Variants in TRIO observed in about 807,000 individuals in gnomAD.
TRIO encodes trio Rho guanine nucleotide exchange factor.
TRIO carries 58 observed loss-of-function variants against 351.9 expected under a neutral mutation model. The observed-to-expected ratio is 0.16, with a 90% CI of 0.13 to 0.21. The LOEUF is 0.21. Ranked by LOEUF, TRIO falls within the 10% of genes least tolerant of loss-of-function variation. The pLI is 1.00. For missense variants in TRIO, 3,201 were observed against 4,027.8 expected (o/e 0.79, Z 5.56); for synonymous variants, 1,758 against 1,595.7 (o/e 1.10, Z -2.42).
chr5:14,454,456 T>C (rs1236970068), intron 34 of TRIO, among the ~76,000 whole-genome samples: 1 of 152,236 alleles, frequency 6.6e-6, no homozygotes, highest in African/African-American at 2.4e-5. Context: ...TTGACTAAAA[T>C]TAGATGTTAC....
chr5:14,441,729 C>T (rs1752066632), intron 34 of TRIO, among the ~76,000 whole-genome samples: 1 of 152,156 alleles, frequency 6.6e-6, no homozygotes, highest in South Asian at 2.1e-4. Flanking sequence ...ATGTCTGTTT[C>T]AGGTTTAATT....
intron 36 of TRIO, among the ~76,000 whole-genome samples, chr5:14,463,455 T>C (rs1561521138): frequency 6.6e-6 from 1 of 152,214 alleles, no homozygotes; most frequent in Non-Finnish European, 1.5e-5. Context: ...TAGGAATCAG[T>C]TGAAAGCTCT....
chr5:14,393,220 A>G (rs1747261188), intron 27 of TRIO, among the ~76,000 whole-genome samples: 1 of 151,540 alleles, frequency 6.6e-6, no homozygotes, highest in Non-Finnish European at 1.5e-5. Flanking sequence ...AGGGAGGGGA[A>G]CATCACACAC....
In TRIO at chr5:14,359,527, T is replaced by A. The variant is rs766766691; in HGVS notation, c.2387T>A (p.Ile796Asn). 1 of 1,613,356 alleles carries A rather than the reference T, an allele frequency of 6.2e-7. No individual in the cohort carries two copies. The highest frequency in any genetic ancestry group is 8.5e-7 in the Non-Finnish European group (1 of 1,179,340). The change falls in exon 13 of 57, where the codon ATC (isoleucine) becomes AAC (asparagine). Residue 796 changes from isoleucine (I) to asparagine (N), a missense_variant. Coordinates refer to ENST00000344204, the MANE Select transcript of TRIO (RefSeq NM_007118.4). ...CTGCGCATCTTCGAGAGGGACGCCATCGACGTGAGTGTCCCGCGGCTGGCG... is the reference window on the plus strand; with the variant it reads ...CTGCGCATCTTCGAGAGGGACGCCAACGACGTGAGTGTCCCGCGGCTGGCG... ...LQLRIFERDAIDIISDLESWN... is the reference protein window; with the variant it reads ...LQLRIFERDANDIISDLESWN...
intron 9 of TRIO, 115 bp downstream of exon 9, chr5:14,316,858 A>G (rs911631285): frequency 2.7e-5 from 33 of 1,222,316 alleles, no homozygotes; most frequent in Non-Finnish European, 3.5e-5. Context: ...GAAGATAAGG[A>G]GAGGAGCTTT....
intron 11 of TRIO, among the ~76,000 whole-genome samples, chr5:14,344,814 G>T (rs996406961): frequency 5.3e-5 from 8 of 152,108 alleles, no homozygotes; most frequent in African/African-American, 1.9e-4. Flanking sequence ...CCTTTCGTGG[G>T]ATATACACAA....
At chr5:14,300,372 A>G (rs1207952905) in intron 7 of TRIO, among the ~76,000 whole-genome samples, 1 of 152,244 alleles carries the variant, frequency 6.6e-6, no homozygotes, top group Non-Finnish European at 1.5e-5. Context: ...GCAAGATGAT[A>G]AAATCATTTT....
chr5:14,393,301 G>T (rs956629114), intron 27 of TRIO, among the ~76,000 whole-genome samples: 6 of 152,138 alleles, frequency 3.9e-5, no homozygotes, highest in Admixed American at 2.0e-4. Context: ...TACACAACGG[G>T]TTGATGGGTG....
intron 48 of TRIO, among the ~76,000 whole-genome samples, chr5:14,489,436 C>T (rs1756308120): frequency 6.6e-6 from 1 of 152,162 alleles, no homozygotes; most frequent in African/African-American, 2.4e-5. Flanking sequence ...GGCAGGTATG[C>T]TAGGCGGGTG....
intron 48 of TRIO, 54 bp downstream of exon 48, chr5:14,488,314 G>T: frequency 6.7e-7 from 1 of 1,501,008 alleles, no homozygotes; most frequent in East Asian, 2.5e-5. Flanking sequence ...TGTCCCGCCA[G>T]CTCTAAACGC....
chr5:14,176,911 T>C (rs1337448934), intron 1 of TRIO, among the ~76,000 whole-genome samples: 17 of 152,242 alleles, frequency 1.1e-4, no homozygotes, highest in Admixed American at 1.1e-3. Context: ...CCATTAAATA[T>C]TTTATGCACA....
chr5:14,312,681 T>G (rs987692640), intron 8 of TRIO, among the ~76,000 whole-genome samples: 1 of 152,246 alleles, frequency 6.6e-6, no homozygotes, highest in African/African-American at 2.4e-5. Context: ...AATGTATAAC[T>G]GAAGTAAATT....
chr5:14,366,737 C>A, intron 15 of TRIO, 123 bp from the exon 16 acceptor site: 1 of 1,400,776 alleles, frequency 7.1e-7, no homozygotes, highest in Non-Finnish European at 9.7e-7. Context: ...ATGATGAAGG[C>A]ATCAGTGCCT....
At chr5:14,221,908 G>C (rs556581027) in intron 1 of TRIO, among the ~76,000 whole-genome samples, 1 of 152,350 alleles carries the variant, frequency 6.6e-6, no homozygotes, top group East Asian at 1.9e-4. Context: ...TTCTGCTGTG[G>C]ATAAAATGCT....
At chr5:14,167,765 TG>T (rs952325396) in intron 1 of TRIO, among the ~76,000 whole-genome samples, 6 of 152,182 alleles carry the variant, frequency 3.9e-5, no homozygotes, top group Non-Finnish European at 7.3e-5. Flanking sequence ...AAGAGGAGCA[TG>T]GTTCTGGGTG....
rs764271431 is a variant in TRIO, at chr5:14,510,028, C to T, written c.*1606C>T. The stretch of plus-strand genomic sequence containing the variant: ...TTGGATTCGAAACTGGATGTGTATT[C>T]GTAACCTCATAATTTTTATTTGTGT... On this transcript the variant is annotated 3_prime_UTR_variant, in exon 57 of 57. Coordinates refer to ENST00000344204, the MANE Select transcript of TRIO (RefSeq NM_007118.4). 4.6e-5 allele frequency: 7 copies of T among 152,162 alleles called. No individual in the cohort carries two copies. Among genetic ancestry groups the T allele is most frequent in the African/African-American group, 1.2e-4 (5 of 41,432 alleles). The allele number at this position is 152,162 out of a possible 1,614,324, so 9.4% of individuals were successfully genotyped here.
At chr5:14,337,162 G>C (rs1267510299) in intron 11 of TRIO, among the ~76,000 whole-genome samples, 1 of 152,188 alleles carries the variant, frequency 6.6e-6, no homozygotes. Context: ...AAATGTGCCA[G>C]AGCCAACCTG....
In TRIO at chr5:14,316,513, G is replaced by T. The variant is rs144438502; in HGVS notation, c.1501G>T (p.Val501Phe). Residue 501 changes from valine (V) to phenylalanine (F), a missense_variant and splice_region_variant, in exon 9 of 57, where the codon GTC becomes TTC. Physicochemically the swap from Val to Phe is conservative, Grantham distance 50. Coordinates refer to ENST00000344204, the MANE Select transcript of TRIO (RefSeq NM_007118.4). ...YEHITLAYSEVSQDGKSLLDK... is the reference protein window; with the variant it reads ...YEHITLAYSEFSQDGKSLLDK... Reference sequence around the variant, plus strand: ...AATCACTCATTTCTTTTGTGGGCAGGTCAGCCAAGATGGGAAGTCGCTCCT... The same window carrying T: ...AATCACTCATTTCTTTTGTGGGCAGTTCAGCCAAGATGGGAAGTCGCTCCT... The T allele has an allele frequency of 4.3e-6, 7 of 1,613,686 alleles. No homozygotes were observed. Among genetic ancestry groups the T allele is most frequent in the Non-Finnish European group, 5.9e-6 (7 of 1,179,950 alleles).
At chr5:14,418,363 C>T (rs932971233) in intron 33 of TRIO, among the ~76,000 whole-genome samples, 9 of 152,074 alleles carry the variant, frequency 5.9e-5, no homozygotes, top group Non-Finnish European at 1.2e-4. Flanking sequence ...GGAAGGAGAA[C>T]CTGGAGTCTG....
Sources: allele counts gnomAD v4.1 joint callset (sites outside exome capture counted in the v4.1 genomes callset), GRCh38; gene constraint gnomAD v4.1.1; transcripts MANE v1.5; gene names NCBI Gene and HGNC (gene_info 2026-07-23, HGNC 2026-07-21).